The following FRMPD3 variants were observed in gnomAD, a reference collection of about 807,000 sequenced individuals.
FRMPD3 encodes the protein FERM and PDZ domain-containing protein 3.
FRMPD3 carries 42 observed loss-of-function variants against 97.9 expected under a neutral mutation model. The observed-to-expected ratio is 0.43, with a 90% CI of 0.34 to 0.55. The LOEUF (loss-of-function observed/expected upper bound fraction) is 0.55, where lower values mean the gene tolerates loss of function less well. FRMPD3 is among the 20% of genes least tolerant of loss of function. The pLI is 0.03. For synonymous variants in FRMPD3, 577 were observed against 581.1 expected (o/e 0.99, Z 0.10); for missense variants, 1,303 against 1,457.7 (o/e 0.89, Z 1.73).
intron 1 of FRMPD3, among the ~76,000 whole-genome samples, chrX:107,495,141 TC>T (rs992737365): frequency 4.5e-5 from 5 of 111,890 alleles, no homozygotes; most frequent in Admixed American, 1.9e-4. Flanking sequence ...CAGTCCTTGG[TC>T]TCCCCAGGCA....
intron 1 of FRMPD3, among the ~76,000 whole-genome samples, chrX:107,514,749 C>T (rs1922263485): frequency 9.0e-6 from 1 of 110,845 alleles, no homozygotes; most frequent in African/African-American, 3.3e-5. Context: ...TGGTCTCGAA[C>T]TTCTGACCTC....
intron 11 of FRMPD3, among the ~76,000 whole-genome samples, chrX:107,564,166 C>A (rs917908405): frequency 8.9e-6 from 1 of 111,878 alleles, no homozygotes; most frequent in Admixed American, 9.5e-5. Context: ...TCCAGTCCTT[C>A]AGGCCGAGAG....
chrX:107,521,415 G>T (rs1922504410), intron 1 of FRMPD3, among the ~76,000 whole-genome samples: 1 of 112,292 alleles, frequency 8.9e-6, no homozygotes, highest in East Asian at 2.8e-4. Context: ...CTTTGCTCCA[G>T]ACCTACTGCA....
chrX:107,601,891 T>C lies in FRMPD3; in HGVS notation c.3852T>C (p.Pro1284=), dbSNP rs1462864092. The C allele has an allele frequency of 1.7e-6, 2 of 1,205,039 alleles. No homozygotes were observed. ...GCAGCTGCCAGCTCCGCAGCAGCCC[T>C]GTGCAGCAGGGGCCTGGCATGTCCC... is the stretch of plus-strand genomic sequence containing the variant. The part of the protein sequence containing the change: ...GRCSCQLRSS[P]VQQGPGMSRE... The change falls in exon 15 of 15, where the codon CCT becomes CCC. Residue 1284 remains proline, a synonymous_variant. Coordinates refer to ENST00000683843, the MANE Select transcript of FRMPD3 (RefSeq NM_001388459.1).
At chrX:107,520,669 A>G (rs2147543113) in intron 1 of FRMPD3, among the ~76,000 whole-genome samples, 1 of 111,241 alleles carries the variant, frequency 9.0e-6, no homozygotes, top group Non-Finnish European at 1.9e-5. Context: ...CAACAACAAC[A>G]ACAACAAAAC....
intron 1 of FRMPD3, among the ~76,000 whole-genome samples, chrX:107,459,316 C>A (rs1365456190): frequency 1.8e-5 from 2 of 112,568 alleles, no homozygotes; most frequent in African/African-American, 3.2e-5. Context: ...CTGGTAGAAT[C>A]AGTTTGAAAA....
chrX:107,579,887 A>G (rs1569426415), intron 13 of FRMPD3, among the ~76,000 whole-genome samples: 3 of 111,936 alleles, frequency 2.7e-5, no homozygotes, highest in Non-Finnish European at 5.6e-5. Context: ...TGGCTACTAT[A>G]TATCCCATGA....
At chrX:107,498,172 T>G (rs1485990603) in intron 1 of FRMPD3, among the ~76,000 whole-genome samples, 1 of 112,723 alleles carries the variant, frequency 8.9e-6, no homozygotes, top group Admixed American at 9.4e-5. Flanking sequence ...AAAGATGCAC[T>G]TTCCTGTTAA....
chrX:107,583,056 T>C (rs770123379), intron 13 of FRMPD3, among the ~76,000 whole-genome samples: 3 of 111,989 alleles, frequency 2.7e-5, no homozygotes, highest in Non-Finnish European at 5.6e-5. Flanking sequence ...TGTTGTATAG[T>C]TTTCAGTGTA....
intron 12 of FRMPD3, among the ~76,000 whole-genome samples, chrX:107,568,332 C>T (rs914584933): frequency 3.9e-5 from 4 of 102,207 alleles, no homozygotes; most frequent in African/African-American, 1.4e-4. Context: ...CCCATTAACT[C>T]GTCATTTAGC....
chrX:107,577,002 T>C lies in FRMPD3; in HGVS notation c.1441+543T>C, dbSNP rs772094144. On this transcript the variant is annotated intron_variant, in intron 13 of 14. Transcript: ENST00000683843. ...TAGTTTGCTCTCCTCACATGCTGAA[T>C]ACTCTCAACCCACTTGCCCTTGCTG... is the stretch of plus-strand genomic sequence containing the variant. 7.3e-5 allele frequency among the ~76,000 whole-genome samples: 8 copies of C among 108,943 alleles called. No individual in the cohort carries two copies. The East Asian group carries it at 2.3e-3, about 32-fold the overall frequency. The allele number at this position is 108,943 out of a possible 115,157, so 94.6% of individuals were successfully genotyped here.
chrX:107,451,275 G>A (rs60792968), intron 1 of FRMPD3, among the ~76,000 whole-genome samples: 13,430 of 112,003 alleles, frequency 0.12, 1,984 homozygotes, highest in African/African-American at 0.41. Context: ...GCCTTCGGAG[G>A]AACTGCTATA....
chrX:107,508,510 A>G (rs1922088082), intron 1 of FRMPD3, among the ~76,000 whole-genome samples: 1 of 111,905 alleles, frequency 8.9e-6, no homozygotes, highest in Non-Finnish European at 1.9e-5. Context: ...CATGAACCCC[A>G]TTTTGTAGAT....
intron 1 of FRMPD3, among the ~76,000 whole-genome samples, chrX:107,484,875 C>T (rs896679615): frequency 1.8e-5 from 2 of 112,102 alleles, no homozygotes; most frequent in Non-Finnish European, 3.8e-5. Context: ...AGAAGCTGCT[C>T]GTTTTCCCCG....
At chrX:107,497,495 C>A (rs1355093418) in intron 1 of FRMPD3, among the ~76,000 whole-genome samples, 1 of 112,314 alleles carries the variant, frequency 8.9e-6, no homozygotes, top group Non-Finnish European at 1.9e-5. Flanking sequence ...CCTTTCCAGG[C>A]CTGATGGGGA....
In FRMPD3 at chrX:107,591,650, C is replaced by A. The variant is rs189194630; in HGVS notation, c.1442-5671C>A. On this transcript the variant is annotated intron_variant, in intron 13 of 14. Coordinates refer to ENST00000683843, the MANE Select transcript of FRMPD3 (RefSeq NM_001388459.1). ...TTTCCAGCTAATCTGTTCAAAACAC[C>A]AACTTTTAGTTTTATTGATTTTCTC... Among the ~76,000 whole-genome samples, 609 of 111,952 alleles carry A rather than the reference C, an allele frequency of 5.4e-3. 3 individuals carry two copies. The highest frequency in any genetic ancestry group is 7.9e-3 in the Non-Finnish European group (422 of 53,158).
chrX:107,508,145 C>T (rs1922079287), intron 1 of FRMPD3, among the ~76,000 whole-genome samples: 1 of 112,172 alleles, frequency 8.9e-6, no homozygotes, highest in African/African-American at 3.2e-5. Context: ...GATCTCAAAA[C>T]AGTTTTACTT....
chrX:107,543,716 T>C (rs1363310403), intron 4 of FRMPD3, among the ~76,000 whole-genome samples: 1 of 107,724 alleles, frequency 9.3e-6, no homozygotes, highest in Non-Finnish European at 1.9e-5. Flanking sequence ...CTCGGGAGAC[T>C]GAGGCAGGGG....
At chrX:107,480,899 A>AAG (rs1569410738) in intron 1 of FRMPD3, among the ~76,000 whole-genome samples, 1,024 of 42,559 alleles carry the variant, frequency 0.024, 9 homozygotes, top group Non-Finnish European at 0.027. Flanking sequence ...AAGGAAGGAA[A>AAG]GAAAGAAAGA....
Sources: gnomAD v4.1 joint callset for allele counts (sites outside exome capture counted in the v4.1 genomes callset) on GRCh38, gnomAD v4.1.1 for gene constraint, MANE v1.5 for transcripts, NCBI Gene and HGNC (gene_info 2026-07-23, HGNC 2026-07-21) for gene names.